Variants in PLCE1 observed in about 807,000 individuals in gnomAD.
PLCE1 encodes phospholipase C epsilon 1.
A neutral mutation model predicts 242.8 loss-of-function variants in PLCE1; 119 were observed. That is an observed-to-expected ratio of 0.49 (90% CI 0.42 to 0.57). PLCE1 has a LOEUF of 0.57. PLCE1 is among the 20% of genes least tolerant of loss of function. The pLI, the probability that PLCE1 is intolerant of heterozygous loss-of-function variation, is 0.00. For missense variants in PLCE1, 2,441 were observed against 2,788.8 expected, an observed-to-expected ratio of 0.88 and a Z score of 2.81; for synonymous variants, 945 against 1,017.4, an observed-to-expected ratio of 0.93 and a Z score of 1.35.
chr10:94,165,491 T>C (rs1366045675), intron 3 of PLCE1, among the ~76,000 whole-genome samples: 1 of 152,202 alleles, frequency 6.6e-6, no homozygotes, highest in Non-Finnish European at 1.5e-5. Flanking sequence ...AAATCATTCA[T>C]CTTCTGTGTC....
At chr10:94,309,772 T>G (rs2053327456) in intron 27 of PLCE1, among the ~76,000 whole-genome samples, 1 of 152,216 alleles carries the variant, frequency 6.6e-6, no homozygotes, top group Non-Finnish European at 1.5e-5. Flanking sequence ...CAGCGGCTCA[T>G]GCCTCTAATC....
intron 3 of PLCE1, among the ~76,000 whole-genome samples, chr10:94,158,857 T>TC (rs1203128691): frequency 7.0e-6 from 1 of 143,026 alleles, no homozygotes; most frequent in African/African-American, 2.5e-5. Context: ...TCTTTTTCTT[T>TC]TTTTTTTTTT....
intron 2 of PLCE1, chr10:94,107,895 GTTAT>G (rs973909895): frequency 6.6e-6 from 1 of 152,188 alleles, no homozygotes; most frequent in South Asian, 2.1e-4. Context: ...AAAAAAAGTT[GTTAT>G]TTATTTATTT....
intron 22 of PLCE1, among the ~76,000 whole-genome samples, chr10:94,290,436 TTTTA>T (rs2052603755): frequency 1.3e-5 from 2 of 151,568 alleles, no homozygotes; most frequent in Admixed American, 6.6e-5. Context: ...TCATTTTATT[TTTTA>T]TTTTTTTACT....
intron 2 of PLCE1, among the ~76,000 whole-genome samples, chr10:94,073,932 A>G (rs1380981009): frequency 6.6e-6 from 1 of 152,176 alleles, no homozygotes; most frequent in East Asian, 1.9e-4. Flanking sequence ...TAGGGAATTA[A>G]TCATGATCAA....
chr10:94,171,770 G>A (rs555167428), intron 4 of PLCE1, among the ~76,000 whole-genome samples: 7 of 152,106 alleles, frequency 4.6e-5, no homozygotes, highest in Non-Finnish European at 1.0e-4. Flanking sequence ...TGGGCACCCA[G>A]AATGCCAATC....
chr10:94,006,550 C>G (rs959606726), intron 1 of PLCE1, among the ~76,000 whole-genome samples: 1 of 152,138 alleles, frequency 6.6e-6, no homozygotes, highest in African/African-American at 2.4e-5. Flanking sequence ...ACAATACCTC[C>G]TACAAGGGAT....
At chr10:94,270,990 C>A (rs1240770566) in intron 18 of PLCE1, among the ~76,000 whole-genome samples, 8 of 152,082 alleles carry the variant, frequency 5.3e-5, no homozygotes, top group Non-Finnish European at 7.4e-5. Context: ...TTAAATGAGG[C>A]CTTTGTGGAC....
intron 2 of PLCE1, among the ~76,000 whole-genome samples, chr10:94,086,437 T>C (rs1353756860): frequency 6.6e-6 from 1 of 152,190 alleles, no homozygotes; most frequent in African/African-American, 2.4e-5. Context: ...CCACTGAGCA[T>C]ATTAGCAGTA....
At chr10:94,002,043 T>G (rs1169131725) in intron 1 of PLCE1, among the ~76,000 whole-genome samples, 1 of 152,128 alleles carries the variant, frequency 6.6e-6, no homozygotes, top group Non-Finnish European at 1.5e-5. Context: ...GGTTTTTCTT[T>G]CATCATGGCT....
intron 31 of PLCE1, 70 bp from the exon 32 acceptor site, chr10:94,324,822 G>A: frequency 6.8e-7 from 1 of 1,474,832 alleles, no homozygotes; most frequent in South Asian, 1.1e-5. Flanking sequence ...GCGCTCTTCT[G>A]AAATAGTGTC....
chr10:94,065,547 G>A (rs1048525346), intron 2 of PLCE1, among the ~76,000 whole-genome samples: 74 of 152,178 alleles, frequency 4.9e-4, no homozygotes, highest in African/African-American at 1.4e-3. Context: ...TAGTCAGATC[G>A]CAGGCATGAG....
chr10:93,999,575 ACACTGGTTATT>A (rs2060893253), intron 1 of PLCE1, among the ~76,000 whole-genome samples: 1 of 152,192 alleles, frequency 6.6e-6, no homozygotes, highest in African/African-American at 2.4e-5. Context: ...CTTCCCCAGA[ACACTGGTTATT>A]GAAATACTCG....
chr10:93,999,499 G>A (rs900812251), intron 1 of PLCE1, among the ~76,000 whole-genome samples: 1 of 152,220 alleles, frequency 6.6e-6, no homozygotes, highest in Admixed American at 6.5e-5. Context: ...AATGGTATGT[G>A]ACTGTACGTG....
intron 2 of PLCE1, among the ~76,000 whole-genome samples, chr10:94,097,768 G>A (rs765989644): frequency 3.3e-5 from 5 of 152,218 alleles, no homozygotes; most frequent in Non-Finnish European, 5.9e-5. Flanking sequence ...GAACCCAGCA[G>A]GAGCCTGCTG....
chr10:94,101,539 A>T (rs769186643), intron 2 of PLCE1, among the ~76,000 whole-genome samples: 1 of 152,188 alleles, frequency 6.6e-6, no homozygotes, highest in Non-Finnish European at 1.5e-5. Flanking sequence ...CAAAGGAGAG[A>T]CGTGAGGAAG....
At chr10:94,080,147 C>A (rs1203010418) in intron 2 of PLCE1, among the ~76,000 whole-genome samples, 3 of 152,174 alleles carry the variant, frequency 2.0e-5, no homozygotes, top group Admixed American at 6.5e-5. Flanking sequence ...TTGAGAAAGA[C>A]CTAAGTACAC....
At chr10:94,155,107 A>G (rs1488045116) in intron 3 of PLCE1, among the ~76,000 whole-genome samples, 1 of 151,976 alleles carries the variant, frequency 6.6e-6, no homozygotes, top group African/African-American at 2.4e-5. Flanking sequence ...AGGAGTTACC[A>G]TATGATCCAA....
At chr10:94,094,946 C>A (rs763688308) in intron 2 of PLCE1, among the ~76,000 whole-genome samples, 1 of 152,202 alleles carries the variant, frequency 6.6e-6, no homozygotes, top group Non-Finnish European at 1.5e-5. Context: ...AATCTAAGTT[C>A]ATTTGACCAA....
Sources: gnomAD v4.1 joint callset for allele counts (sites outside exome capture counted in the v4.1 genomes callset) on GRCh38, gnomAD v4.1.1 for gene constraint, MANE v1.5 for transcripts, NCBI Gene and HGNC (gene_info 2026-07-23, HGNC 2026-07-21) for gene names.